Variants in SGIP1 observed in about 807,000 individuals in gnomAD.
SGIP1 encodes SH3GL interacting endocytic adaptor 1, also known as SH3-containing GRB2-like protein 3-interacting protein 1.
A neutral mutation model predicts 107.5 loss-of-function variants in SGIP1; 38 were observed. That is an observed-to-expected ratio of 0.35 (90% confidence interval 0.27 to 0.46). The LOEUF (loss-of-function observed/expected upper bound fraction) is 0.46. Among genes scored for constraint, SGIP1 ranks in the 20% least tolerant of loss-of-function variants. The pLI is 1.00. For missense variants in SGIP1, 929 were observed against 1,019.5 expected, an observed-to-expected ratio of 0.91 and a Z score of 1.21; for synonymous variants, 365 against 366.1, an observed-to-expected ratio of 1.00 and a Z score of 0.03.
rs1488107328 is a variant in SGIP1, at chr1:66,672,006, A to G, written c.560+11A>G. 6.2e-7 allele frequency: 1 copy of G among 1,613,668 alleles called. No homozygotes were observed. The highest frequency in any genetic ancestry group is 1.3e-5 in the African/African-American group (1 of 75,030). ...TCCAGAACTTATAAGGTGAGTGTGAAAGACATTAGTTGTGTTTTATGCAAG... is the reference window on the plus strand; with the variant it reads ...TCCAGAACTTATAAGGTGAGTGTGAGAGACATTAGTTGTGTTTTATGCAAG... On this transcript the variant is annotated intron_variant, in intron 11 of 24. Coordinates refer to ENST00000371037, the MANE Select transcript of SGIP1 (RefSeq NM_032291.4).
At chr1:66,695,384 T>G in intron 17 of SGIP1, 50 bp from the exon 18 acceptor site, 1 of 1,613,786 alleles carries the variant, frequency 6.2e-7, no homozygotes, top group Non-Finnish European at 8.5e-7. Flanking sequence ...TGTCCTTCTC[T>G]CTCCCTTTCC....
intron 7 of SGIP1, among the ~76,000 whole-genome samples, chr1:66,651,947 CTA>C: frequency 6.6e-6 from 1 of 152,182 alleles, no homozygotes; most frequent in Middle Eastern, 3.4e-3. Flanking sequence ...TATAATAATG[CTA>C]TGTTTTATAA....
rs200616410 is a variant in SGIP1 at position 66,640,367 on chromosome 1, GCC to G, written c.228+536_228+537del. ...TTTAATATTAAATCTGGGTGTTTCA[GCC>G]CTGGTTCTACTTCTTAGAAGCTTTC... On this transcript the variant is annotated intron_variant, in intron 5 of 24. Coordinates refer to ENST00000371037, the MANE Select transcript of SGIP1 (RefSeq NM_032291.4). Among the ~76,000 whole-genome samples, 1,052 of 152,300 alleles carry G rather than the reference GCC, an allele frequency of 6.9e-3. 18 individuals are homozygous for G. The highest frequency in any genetic ancestry group is 0.024 in the African/African-American group (982 of 41,560).
At chr1:66,720,291 T>A (rs1459604887) in intron 19 of SGIP1, among the ~76,000 whole-genome samples, 1 of 152,188 alleles carries the variant, frequency 6.6e-6, no homozygotes, top group African/African-American at 2.4e-5. Context: ...AACAACTAAG[T>A]CAGACTTATT....
chr1:66,571,766 C>T (rs1480108145), intron 1 of SGIP1, among the ~76,000 whole-genome samples: 4 of 151,912 alleles, frequency 2.6e-5, no homozygotes, highest in Non-Finnish European at 5.9e-5. Context: ...TCTGCATTCC[C>T]CATGATTCTT....
intron 1 of SGIP1, among the ~76,000 whole-genome samples, chr1:66,568,369 G>C (rs1297638374): frequency 6.6e-6 from 1 of 152,090 alleles, no homozygotes; most frequent in Non-Finnish European, 1.5e-5. Flanking sequence ...CTGAGAAGTT[G>C]CTTACCAGCT....
intron 7 of SGIP1, among the ~76,000 whole-genome samples, chr1:66,652,093 G>A (rs905625992): frequency 3.3e-5 from 5 of 152,096 alleles, no homozygotes; most frequent in Non-Finnish European, 4.4e-5. Flanking sequence ...ATGAACACAG[G>A]CTTTTGAGTA....
At position 66,729,287 on chromosome 1, in the gene SGIP1, A is replaced by G; in HGVS notation, c.1766A>G (p.Glu589Gly). Reference protein sequence around the residue: ...PSKCIVKITGEMVLSFPAGIT... With the variant: ...PSKCIVKITGGMVLSFPAGIT... ...AGATGTATCGTTAAGATTACCGGAG[A>G]AATGGTGTTGTCATTTCCTGCTGGC... The change falls in exon 20 of 25, where the codon GAA becomes GGA. Residue 589 changes from glutamate (E) to glycine (G), a missense_variant. This residue lies in a region of SGIP1 where 341 missense variants were observed against 430.9 expected (regional missense o/e 0.79). Transcript: ENST00000371037. The G allele has an allele frequency of 6.2e-7, 1 of 1,613,928 alleles. No individual in the cohort carries two copies. Among genetic ancestry groups the G allele is most frequent in the Non-Finnish European group, 8.5e-7 (1 of 1,179,962 alleles).
At chr1:66,649,144 T>C (rs2078229767) in intron 7 of SGIP1, among the ~76,000 whole-genome samples, 1 of 152,210 alleles carries the variant, frequency 6.6e-6, no homozygotes, top group Middle Eastern at 3.2e-3. Context: ...TATCTACATC[T>C]CGAGGCTAGA....
intron 20 of SGIP1, among the ~76,000 whole-genome samples, chr1:66,732,606 T>C (rs2094064368): frequency 6.6e-6 from 1 of 152,164 alleles, no homozygotes; most frequent in Non-Finnish European, 1.5e-5. Context: ...TTTAAAGCCC[T>C]GGTGTTTTTT....
At chr1:66,653,790 CT>C (rs1283032252) in intron 7 of SGIP1, among the ~76,000 whole-genome samples, 10 of 152,268 alleles carry the variant, frequency 6.6e-5, no homozygotes, top group African/African-American at 2.2e-4. Context: ...AAAACGCTAA[CT>C]TTTATACCTT....
At position 66,634,997 on chromosome 1, in the gene SGIP1, A is replaced by C. The variant is rs1336882855; in HGVS notation, c.100-947A>C. ...CCCAGTTCACTTTTGCTTGGCTGATATAGCTTTCAAATTATTGCCTTTTGA... is the reference window on the plus strand; with the variant it reads ...CCCAGTTCACTTTTGCTTGGCTGATCTAGCTTTCAAATTATTGCCTTTTGA... On this transcript the variant is annotated intron_variant, in intron 3 of 24. Transcript: ENST00000371037. Among the ~76,000 whole-genome samples, 3 of 152,308 alleles carry C rather than the reference A, an allele frequency of 2.0e-5. No homozygotes were observed. The East Asian group carries it at 5.8e-4, about 29-fold the overall frequency.
rs2086841762 is a variant in SGIP1 at position 66,682,059 on chromosome 1, C to T, written c.1005C>T (p.Ser335=). The T allele has an allele frequency of 1.9e-6, 3 of 1,614,170 alleles. No homozygotes were observed. Among genetic ancestry groups the T allele is most frequent in the East Asian group, 4.5e-5 (2 of 44,868 alleles). The change falls in exon 15 of 25, where the codon TCC becomes TCT. Residue 335 remains serine, a synonymous_variant. Transcript: ENST00000371037. ...PELTPREKVV[S]PPATPDNPAD... is the part of the protein sequence containing the mutation. ...TGACTCCAAGGGAAAAAGTGGTGTC[C>T]CCACCAGCTACACCAGACAACCCAG...
intron 1 of SGIP1, among the ~76,000 whole-genome samples, chr1:66,596,297 ACAGCT>A (rs1027736268): frequency 6.6e-6 from 1 of 151,410 alleles, no homozygotes; most frequent in African/African-American, 2.4e-5. Context: ...GAGTGATGGA[ACAGCT>A]CTCAGCAGAG....
At chr1:66,626,811 A>G (rs896830563) in intron 2 of SGIP1, among the ~76,000 whole-genome samples, 1 of 152,146 alleles carries the variant, frequency 6.6e-6, no homozygotes. Context: ...CAAGCCCATT[A>G]TACCCCTCAT....
chr1:66,695,237 GCTTT>G, intron 17 of SGIP1, 193 bp from the exon 18 acceptor site: 4 of 1,041,298 alleles, frequency 3.8e-6, no homozygotes, highest in South Asian at 2.4e-5. Flanking sequence ...CTTTGCTTTT[GCTTT>G]CTGTTTCCTG....
chr1:66,577,756 CTGTGTGTGTGTGTGTGTGTGTG>C (rs6143251), intron 1 of SGIP1, among the ~76,000 whole-genome samples: 3 of 144,982 alleles, frequency 2.1e-5, no homozygotes, highest in African/African-American at 7.6e-5. Context: ...TAATGCAGTC[CTGTGTGTGTGTGTGTGTGTGTG>C]TGTGTGTGTG....
intron 1 of SGIP1, among the ~76,000 whole-genome samples, chr1:66,573,231 C>T (rs2060614444): frequency 6.6e-6 from 1 of 151,676 alleles, no homozygotes; most frequent in Non-Finnish European, 1.5e-5. Context: ...GTTTATCAGT[C>T]AGAATGGCTA....
chr1:66,687,013 C>A (rs1051646775), intron 15 of SGIP1, among the ~76,000 whole-genome samples: 1 of 152,130 alleles, frequency 6.6e-6, no homozygotes, highest in Non-Finnish European at 1.5e-5. Context: ...AGGTTTCAGG[C>A]CAGTAGGGCC....
Sources: allele counts gnomAD v4.1 joint callset (sites outside exome capture counted in the v4.1 genomes callset), GRCh38; gene constraint gnomAD v4.1.1; regional missense constraint gnomAD v4.1.1; transcripts MANE v1.5; gene names NCBI Gene and HGNC (gene_info 2026-07-23, HGNC 2026-07-21).